Variants in SMYD3 observed in about 807,000 individuals in gnomAD.
The protein encoded by SMYD3 is SET and MYND domain containing 3, also known as histone-lysine N-methyltransferase SMYD3.
SMYD3 carries 36 observed loss-of-function variants against 57.7 expected under a neutral mutation model. That is an observed-to-expected ratio of 0.62 (90% CI 0.48 to 0.82). The LOEUF (loss-of-function observed/expected upper bound fraction) is 0.82, where lower values mean the gene tolerates loss of function less well. Ranked by LOEUF, SMYD3 falls within the 40% of genes least tolerant of loss-of-function variation. The pLI, the probability that SMYD3 is intolerant of heterozygous loss-of-function variation, is 0.00. For synonymous variants in SMYD3, 211 were observed against 195.0 expected (o/e 1.08, Z -0.68); for missense variants, 515 against 538.8 (o/e 0.96, Z 0.44).
At chr1:246,185,398 G>A (rs577779801) in intron 5 of SMYD3, among the ~76,000 whole-genome samples, 1 of 150,040 alleles carries the variant, frequency 6.7e-6, no homozygotes, top group Non-Finnish European at 1.5e-5. Flanking sequence ...CAACACGCCC[G>A]GCTAATTTTT....
At chr1:246,138,738 T>C (rs1011651517) in intron 5 of SMYD3, among the ~76,000 whole-genome samples, 2 of 152,042 alleles carry the variant, frequency 1.3e-5, no homozygotes, top group Non-Finnish European at 2.9e-5. Context: ...AATTTATTTT[T>C]AAAAAAAGTT....
At chr1:245,850,628 G>C (rs9662150) in intron 10 of SMYD3, among the ~76,000 whole-genome samples, 3 of 152,070 alleles carry the variant, frequency 2.0e-5, no homozygotes, top group Non-Finnish European at 4.4e-5. Context: ...TTGAGCCCAG[G>C]AAGTAAACAC....
chr1:246,201,474 T>C (rs1269455405), intron 5 of SMYD3, among the ~76,000 whole-genome samples: 1 of 152,218 alleles, frequency 6.6e-6, no homozygotes, highest in African/African-American at 2.4e-5. Flanking sequence ...GTAATATGCA[T>C]TTTATATGAA....
chr1:245,895,131 C>T (rs1572618222), intron 8 of SMYD3, among the ~76,000 whole-genome samples: 2 of 152,044 alleles, frequency 1.3e-5, no homozygotes, highest in South Asian at 2.1e-4. Context: ...ACACTGCAGA[C>T]GGGATTATGT....
intron 5 of SMYD3, among the ~76,000 whole-genome samples, chr1:246,017,073 C>T (rs916754954): frequency 6.6e-6 from 1 of 152,084 alleles, no homozygotes; most frequent in Non-Finnish European, 1.5e-5. Flanking sequence ...AATGTCAGAA[C>T]ATGAACATTT....
At chr1:246,140,234 C>CCA (rs1274143937) in intron 5 of SMYD3, among the ~76,000 whole-genome samples, 1 of 152,146 alleles carries the variant, frequency 6.6e-6, no homozygotes. Flanking sequence ...GGATCAGGAC[C>CCA]TTTCGCTTCA....
intron 5 of SMYD3, among the ~76,000 whole-genome samples, chr1:246,016,020 T>C (rs1224636644): frequency 6.6e-6 from 1 of 152,128 alleles, no homozygotes; most frequent in African/African-American, 2.4e-5. Flanking sequence ...TCATTCTTGC[T>C]AACTGGAATG....
intron 7 of SMYD3, among the ~76,000 whole-genome samples, chr1:245,917,717 A>G (rs567309622): frequency 2.0e-5 from 3 of 152,192 alleles, no homozygotes; most frequent in Admixed American, 1.3e-4. Context: ...CCTGTATCAT[A>G]TATCAGCTTG....
rs185184965 is a variant in SMYD3 at position 246,298,913 on chromosome 1, C to T, written c.531+28288G>A. On this transcript the variant is annotated intron_variant, in intron 5 of 11. Transcript: ENST00000490107. ...AAATGAAAATTACAAAGAGGCATTA[C>T]TTATATCACTTTTAAGATTGGCAAG... 2.0e-5 allele frequency among the ~76,000 whole-genome samples: 3 copies of T among 152,238 alleles called. No homozygotes were observed. In the East Asian group the frequency reaches 5.8e-4, roughly 29 times the overall value.
intron 1 of SMYD3, among the ~76,000 whole-genome samples, chr1:246,443,987 A>G (rs2067510354): frequency 6.6e-6 from 1 of 152,192 alleles, no homozygotes; most frequent in Non-Finnish European, 1.5e-5. Flanking sequence ...CCACAGACAG[A>G]CAACAATCAA....
chr1:246,420,871 T>C (rs2067133638), intron 1 of SMYD3, among the ~76,000 whole-genome samples: 1 of 152,224 alleles, frequency 6.6e-6, no homozygotes, highest in Non-Finnish European at 1.5e-5. Flanking sequence ...AATGCAGTAA[T>C]TGATGAACTT....
intron 1 of SMYD3, among the ~76,000 whole-genome samples, chr1:246,366,752 G>A (rs7511908): frequency 0.53 from 80,663 of 151,274 alleles, 22,248 homozygotes; most frequent in Middle Eastern, 0.7. Context: ...TGACCATGGT[G>A]AAACCCTGTC....
chr1:246,048,180 A>G (rs919927374), intron 5 of SMYD3, among the ~76,000 whole-genome samples: 1 of 152,256 alleles, frequency 6.6e-6, no homozygotes, highest in Non-Finnish European at 1.5e-5. Context: ...TTCAACCTCA[A>G]GAACATGCAA....
intron 5 of SMYD3, among the ~76,000 whole-genome samples, chr1:246,107,137 A>C (rs2061141656): frequency 7.0e-6 from 1 of 143,688 alleles, no homozygotes; most frequent in Admixed American, 7.1e-5. Context: ...AATACAAAAA[A>C]TTAGCCAGGC....
chr1:245,986,719 C>G (rs1490807871), intron 5 of SMYD3, among the ~76,000 whole-genome samples: 1 of 152,114 alleles, frequency 6.6e-6, no homozygotes, highest in Non-Finnish European at 1.5e-5. Context: ...TAAAGGTGAC[C>G]CACCCACGCC....
At chr1:246,080,732 C>T (rs1475500543) in intron 5 of SMYD3, among the ~76,000 whole-genome samples, 1 of 152,162 alleles carries the variant, frequency 6.6e-6, no homozygotes, top group African/African-American at 2.4e-5. Context: ...ATAAAATACA[C>T]AGAAAAGCTT....
At chr1:246,033,817 A>G (rs1424973523) in intron 5 of SMYD3, among the ~76,000 whole-genome samples, 2 of 152,082 alleles carry the variant, frequency 1.3e-5, no homozygotes, top group Non-Finnish European at 2.9e-5. Flanking sequence ...TAAAAAATAA[A>G]TTAAAAATTT....
chr1:245,833,282 G>C (rs182379529), intron 10 of SMYD3, among the ~76,000 whole-genome samples: 17 of 152,112 alleles, frequency 1.1e-4, no homozygotes, highest in African/African-American at 3.6e-4. Context: ...TAAACCCCAG[G>C]CTTTACTTAG....
At chr1:245,961,851 T>G (rs1239561963) in intron 5 of SMYD3, among the ~76,000 whole-genome samples, 1 of 152,206 alleles carries the variant, frequency 6.6e-6, no homozygotes, top group East Asian at 1.9e-4. Context: ...CTCACAGCCA[T>G]CACCTCGTCC....
Sources: allele counts gnomAD v4.1 joint callset (sites outside exome capture counted in the v4.1 genomes callset), GRCh38; gene constraint gnomAD v4.1.1; transcripts MANE v1.5; gene names NCBI Gene and HGNC (gene_info 2026-07-23, HGNC 2026-07-21).